The following FRMD4A variants were observed in gnomAD, a reference collection of about 807,000 sequenced individuals.
The protein encoded by FRMD4A is FERM domain-containing protein 4A.
A neutral mutation model predicts 129.1 loss-of-function variants in FRMD4A; 29 were observed. The ratio of observed to expected loss-of-function variants is 0.22; its 90% CI spans 0.17 to 0.31. The LOEUF (loss-of-function observed/expected upper bound fraction) is 0.31. Ranked by LOEUF, FRMD4A falls within the 10% of genes least tolerant of loss-of-function variation. The pLI is 1.00. For synonymous variants in FRMD4A, 634 were observed against 571.6 expected (o/e 1.11, Z -1.56); for missense variants, 1,272 against 1,375.8 (o/e 0.92, Z 1.19).
intron 2 of FRMD4A, among the ~76,000 whole-genome samples, chr10:13,924,267 T>G (rs1460360220): frequency 1.3e-5 from 2 of 152,168 alleles, no homozygotes; most frequent in Non-Finnish European, 2.9e-5. Context: ...CAGATCACAT[T>G]ACACTCCAGC....
intron 2 of FRMD4A, among the ~76,000 whole-genome samples, chr10:14,188,527 A>G (rs1842218732): frequency 6.6e-6 from 1 of 152,180 alleles, no homozygotes; most frequent in Non-Finnish European, 1.5e-5. Context: ...CCTTTTCCAG[A>G]ATCCAAACTT....
intron 2 of FRMD4A, among the ~76,000 whole-genome samples, chr10:14,244,936 A>G (rs1381369402): frequency 1.3e-5 from 2 of 152,166 alleles, no homozygotes; most frequent in Non-Finnish European, 2.9e-5. Flanking sequence ...ATAAAAGATG[A>G]TTTCTCTGCC....
chr10:13,979,503 A>G lies in FRMD4A; in HGVS notation c.46-120591T>C, dbSNP rs144139224. Among the ~76,000 whole-genome samples, 680 of 152,354 alleles carry G rather than the reference A, an allele frequency of 4.5e-3. 6 individuals are homozygous for G. Among genetic ancestry groups the G allele is most frequent in the African/African-American group, 0.015 (640 of 41,576 alleles). ...GAAGAGGTTGGAGGATTGCTCAGTGAGGAGCAGCAAGTCAGTGTCTCTTTC... is the reference window on the plus strand; with the variant it reads ...GAAGAGGTTGGAGGATTGCTCAGTGGGGAGCAGCAAGTCAGTGTCTCTTTC... On this transcript the variant is annotated intron_variant, in intron 2 of 24. Transcript: ENST00000357447.
At chr10:14,303,091 G>T (rs1846238170) in intron 2 of FRMD4A, among the ~76,000 whole-genome samples, 1 of 152,174 alleles carries the variant, frequency 6.6e-6, no homozygotes, top group African/African-American at 2.4e-5. Flanking sequence ...CTGCATGGTA[G>T]AACTCCCTAG....
At chr10:14,134,649 G>A (rs1211990055) in intron 2 of FRMD4A, among the ~76,000 whole-genome samples, 1 of 151,626 alleles carries the variant, frequency 6.6e-6, no homozygotes, top group Non-Finnish European at 1.5e-5. Context: ...GTGGATGGAC[G>A]GATGAGTTGA....
At chr10:14,177,094 A>G (rs1245518589) in intron 2 of FRMD4A, among the ~76,000 whole-genome samples, 9 of 152,190 alleles carry the variant, frequency 5.9e-5, no homozygotes, top group African/African-American at 2.4e-5. Flanking sequence ...CCTGTTCATG[A>G]CATGTAAAGG....
intron 2 of FRMD4A, among the ~76,000 whole-genome samples, chr10:14,004,667 C>T (rs1371512014): frequency 6.6e-6 from 1 of 152,202 alleles, no homozygotes; most frequent in Non-Finnish European, 1.5e-5. Context: ...TATTGTGTTA[C>T]GTCCTTGCAT....
chr10:14,046,431 T>C (rs1333452462), intron 2 of FRMD4A, among the ~76,000 whole-genome samples: 1 of 152,062 alleles, frequency 6.6e-6, no homozygotes, highest in Non-Finnish European at 1.5e-5. Context: ...TTCTATAATA[T>C]AAAAAACCAT....
intron 3 of FRMD4A, among the ~76,000 whole-genome samples, chr10:13,824,321 CAAAA>C (rs397721588): frequency 1.7e-4 from 17 of 99,060 alleles, no homozygotes; most frequent in Middle Eastern, 6.6e-3. Context: ...ACTAAAAATA[CAAAA>C]AAAAAAAAAA....
Position 13,926,640 on chromosome 10 carries a change from T to C in FRMD4A, c.46-67728A>G, listed in dbSNP as rs148831275. Among the ~76,000 whole-genome samples, 754 of 152,328 alleles carry C rather than the reference T, an allele frequency of 4.9e-3. 6 individuals carry two copies. The highest frequency in any genetic ancestry group is 0.034 in the Middle Eastern group (10 of 294). On this transcript the variant is annotated intron_variant, in intron 2 of 24. Coordinates refer to ENST00000357447, the MANE Select transcript of FRMD4A (RefSeq NM_018027.5). ...TGCTGTTGAAACAGAGTTTTGATTG[T>C]AGTAAGACAGGACATTTGTTTCACT...
chr10:13,967,909 G>A (rs534003983), intron 2 of FRMD4A, among the ~76,000 whole-genome samples: 1 of 152,358 alleles, frequency 6.6e-6, no homozygotes, highest in East Asian at 1.9e-4. Flanking sequence ...AGCTGGGCGT[G>A]GTGGCGCATG....
chr10:14,298,918 C>G (rs1011528379), intron 2 of FRMD4A, among the ~76,000 whole-genome samples: 1 of 152,120 alleles, frequency 6.6e-6, no homozygotes, highest in African/African-American at 2.4e-5. Flanking sequence ...CTGGATTACT[C>G]AGAGGATGAA....
chr10:13,681,770 T>A (rs769773714), intron 15 of FRMD4A, among the ~76,000 whole-genome samples: 1 of 152,082 alleles, frequency 6.6e-6, no homozygotes, highest in Non-Finnish European at 1.5e-5. Context: ...TTGGGAAGGT[T>A]GTGTAACCTC....
At chr10:13,765,801 A>G (rs1456180994) in intron 6 of FRMD4A, among the ~76,000 whole-genome samples, 1 of 152,180 alleles carries the variant, frequency 6.6e-6, no homozygotes, top group Admixed American at 6.5e-5. Context: ...TCACAGAAAC[A>G]CTGTCCAGGA....
chr10:13,967,889 T>A (rs999129090), intron 2 of FRMD4A, among the ~76,000 whole-genome samples: 2 of 152,070 alleles, frequency 1.3e-5, no homozygotes, highest in Non-Finnish European at 2.9e-5. Flanking sequence ...CTACAAAAAA[T>A]ACAAAAATTA....
At chr10:14,198,482 G>A (rs1202054211) in intron 2 of FRMD4A, among the ~76,000 whole-genome samples, 1 of 152,204 alleles carries the variant, frequency 6.6e-6, no homozygotes, top group Non-Finnish European at 1.5e-5. Flanking sequence ...GGGCCAGGAG[G>A]CTGCATCCCA....
At chr10:13,998,494 G>A (rs1411104678) in intron 2 of FRMD4A, among the ~76,000 whole-genome samples, 1 of 152,138 alleles carries the variant, frequency 6.6e-6, no homozygotes, top group African/African-American at 2.4e-5. Context: ...ACATCCTACT[G>A]TATATCTCCA....
chr10:13,906,005 T>G (rs1030190119), intron 2 of FRMD4A, among the ~76,000 whole-genome samples: 1 of 152,172 alleles, frequency 6.6e-6, no homozygotes, highest in Non-Finnish European at 1.5e-5. Flanking sequence ...CGAGCAGAGC[T>G]CTGCAGACAC....
At chr10:13,681,090 G>A (rs866162878) in intron 15 of FRMD4A, among the ~76,000 whole-genome samples, 4 of 152,064 alleles carry the variant, frequency 2.6e-5, no homozygotes, top group South Asian at 2.1e-4. Flanking sequence ...CAACTTACTC[G>A]GATAGTTCCC....
Sources: allele counts gnomAD v4.1 joint callset (sites outside exome capture counted in the v4.1 genomes callset), GRCh38; gene constraint gnomAD v4.1.1; transcripts MANE v1.5; gene names NCBI Gene and HGNC (gene_info 2026-07-23, HGNC 2026-07-21).